The following ITPR2 variants were observed in gnomAD, a reference collection of about 807,000 sequenced individuals.
The protein encoded by ITPR2 is inositol 1,4,5-trisphosphate receptor type 2, also known as inositol 1,4,5-trisphosphate-gated calcium channel ITPR2.
In ITPR2, 207 loss-of-function variants were observed where a neutral mutation model predicts 317.1. The ratio of observed to expected loss-of-function variants is 0.65; its 90% confidence interval spans 0.58 to 0.73. The LOEUF (loss-of-function observed/expected upper bound fraction) is 0.73, where lower values mean the gene tolerates loss of function less well. Among genes scored for constraint, ITPR2 ranks in the 30% least tolerant of loss-of-function variants. ITPR2 has a pLI of 0.00. For synonymous variants in ITPR2, 1,156 were observed against 1,149.1 expected, an observed-to-expected ratio of 1.01 and a Z score of -0.12; for missense variants, 2,613 against 3,284.0, an observed-to-expected ratio of 0.80 and a Z score of 4.99.
At chr12:26,394,606 A>G (rs1939939939) in intron 54 of ITPR2, among the ~76,000 whole-genome samples, 2 of 152,194 alleles carry the variant, frequency 1.3e-5, no homozygotes, top group African/African-American at 4.8e-5. Context: ...CAAAAAAAGA[A>G]GGGGCCAGAT....
chr12:26,363,850 A>G (rs1938921280), intron 55 of ITPR2, among the ~76,000 whole-genome samples: 3 of 152,240 alleles, frequency 2.0e-5, no homozygotes, highest in Non-Finnish European at 2.9e-5. Context: ...ATCTCGACTC[A>G]TGATAAAGGA....
At chr12:26,638,387 C>CA (rs1946908700) in intron 21 of ITPR2, among the ~76,000 whole-genome samples, 1 of 152,222 alleles carries the variant, frequency 6.6e-6, no homozygotes, top group East Asian at 1.9e-4. Flanking sequence ...AGGCATATAC[C>CA]ATACGAACCA....
chr12:26,685,346 G>T (rs1267305830), intron 11 of ITPR2, among the ~76,000 whole-genome samples: 1 of 152,122 alleles, frequency 6.6e-6, no homozygotes, highest in Non-Finnish European at 1.5e-5. Flanking sequence ...CTGTAATCTC[G>T]GCATTTTGAG....
chr12:26,439,029 T>G, intron 47 of ITPR2, 98 bp downstream of exon 47: 1 of 771,760 alleles, frequency 1.3e-6, no homozygotes, highest in Non-Finnish European at 2.1e-6. Flanking sequence ...CAGCAAGAAA[T>G]TAAAAAAACA....
At chr12:26,385,340 G>A (rs74705416) in intron 55 of ITPR2, among the ~76,000 whole-genome samples, 1,840 of 152,160 alleles carry the variant, frequency 0.012, 29 homozygotes, top group African/African-American at 0.042. Context: ...ATGACCCACC[G>A]CCTTTCTCCC....
At chr12:26,706,326 TCTGTACTTTAAAGATAAAACC>T (rs1724193853) in intron 9 of ITPR2, among the ~76,000 whole-genome samples, 1 of 152,226 alleles carries the variant, frequency 6.6e-6, no homozygotes, top group South Asian at 2.1e-4. Flanking sequence ...ATTATACTCC[TCTGTACTTTAAAGATAAAACC>T]CATTCTCCTT....
chr12:26,561,387 T>C (rs914608001), intron 35 of ITPR2, among the ~76,000 whole-genome samples: 5 of 152,206 alleles, frequency 3.3e-5, no homozygotes, highest in African/African-American at 9.7e-5. Context: ...ACAAGTAATT[T>C]GGGAGCAAGG....
At chr12:26,673,065 C>G (rs978025492) in intron 13 of ITPR2, among the ~76,000 whole-genome samples, 2 of 152,134 alleles carry the variant, frequency 1.3e-5, no homozygotes, top group African/African-American at 4.8e-5. Flanking sequence ...GCTTACCAAC[C>G]AAAAAGAGTC....
At position 26,716,110 on chromosome 12, in the gene ITPR2, T is replaced by C. The variant is rs758847446; in HGVS notation, c.624+34A>G. 3.0e-5 allele frequency: 41 copies of C among 1,352,880 alleles called. No homozygotes were observed. The Middle Eastern group carries it at 1.1e-3, about 36-fold the overall frequency. The allele number at this position is 1,352,880 out of a possible 1,614,324, so 83.8% of individuals were successfully genotyped here. A position where few individuals can be genotyped will look rare whatever the true frequency, so the allele number is the denominator to read the frequency against. Reference sequence around the variant, plus strand: ...TTCTCCCTCTGTCTCATGAGAAAAATGAACACATTCATTCCTTTTCCACTT... The same window carrying C: ...TTCTCCCTCTGTCTCATGAGAAAAACGAACACATTCATTCCTTTTCCACTT... On this transcript the variant is annotated intron_variant, in intron 6 of 56. Coordinates refer to ENST00000381340, the MANE Select transcript of ITPR2 (RefSeq NM_002223.4).
At position 26,806,243 on chromosome 12, in the gene ITPR2, T is replaced by C. The variant is rs561996603; in HGVS notation, c.93-16016A>G. Among the ~76,000 whole-genome samples, 125 of 152,256 alleles carry C rather than the reference T, an allele frequency of 8.2e-4. 1 individual carries two copies. The highest frequency in any genetic ancestry group is 1.7e-3 in the South Asian group (8 of 4,812). The stretch of plus-strand genomic sequence containing the variant: ...CCATAAATATAGTGCAGTTAAGTAC[T>C]TCAGAGCCCGAAAACTAGACCCTGC... On this transcript the variant is annotated intron_variant, in intron 1 of 56. Transcript: ENST00000381340.
intron 37 of ITPR2, among the ~76,000 whole-genome samples, chr12:26,531,374 A>T (rs1943938006): frequency 6.6e-6 from 1 of 152,236 alleles, no homozygotes; most frequent in South Asian, 2.1e-4. Flanking sequence ...CATTTATCAC[A>T]TACACTGGTC....
chr12:26,450,452 G>C (rs1173912851), intron 45 of ITPR2, among the ~76,000 whole-genome samples: 1 of 143,142 alleles, frequency 7.0e-6, no homozygotes. Context: ...TCCTTCATAA[G>C]AACACAGACC....
chr12:26,432,185 CCTT>C (rs1231091077), intron 48 of ITPR2, among the ~76,000 whole-genome samples: 2 of 152,228 alleles, frequency 1.3e-5, no homozygotes, highest in East Asian at 1.9e-4. Context: ...CAATTTATGT[CCTT>C]CTTCTGAACC....
At chr12:26,761,052 G>A (rs1194022646) in intron 2 of ITPR2, among the ~76,000 whole-genome samples, 1 of 152,144 alleles carries the variant, frequency 6.6e-6, no homozygotes, top group Non-Finnish European at 1.5e-5. Flanking sequence ...GCCAAGTTCT[G>A]TAGAGCCAGG....
chr12:26,698,915 G>C (rs1452850211), intron 9 of ITPR2, among the ~76,000 whole-genome samples: 1 of 151,782 alleles, frequency 6.6e-6, no homozygotes, highest in Admixed American at 6.6e-5. Context: ...ACGGTGTCCA[G>C]AAGAAATTTA....
intron 40 of ITPR2, 150 bp downstream of exon 40, chr12:26,486,918 C>T: frequency 1.2e-6 from 1 of 816,562 alleles, no homozygotes; most frequent in South Asian, 1.4e-5. Flanking sequence ...TTTAGGGTCA[C>T]CCCATGACCA....
intron 13 of ITPR2, among the ~76,000 whole-genome samples, chr12:26,672,160 G>T (rs1430762739): frequency 6.6e-6 from 1 of 152,190 alleles, no homozygotes; most frequent in Admixed American, 6.5e-5. Context: ...AAGTTAACAA[G>T]GATACCCAGG....
At position 26,747,979 on chromosome 12, in the gene ITPR2, C is replaced by A. The variant is rs527702553; in HGVS notation, c.164-22214G>T. ...TCCGAATAATTCAGTCTATCAACTT[C>A]CACCAATGCAAGTCCCTTCTAACTT... On this transcript the variant is annotated intron_variant, in intron 2 of 56. Transcript: ENST00000381340. Among the ~76,000 whole-genome samples the A allele has an allele frequency of 8.5e-5, 13 of 152,314 alleles. No homozygotes were observed. The South Asian group carries it at 2.7e-3, about 32-fold the overall frequency.
chr12:26,505,287 G>A (rs989600624), intron 37 of ITPR2, among the ~76,000 whole-genome samples: 3 of 152,146 alleles, frequency 2.0e-5, no homozygotes, highest in African/African-American at 7.2e-5. Flanking sequence ...TACTTTAGGG[G>A]ATGATACACA....
Sources: allele counts gnomAD v4.1 joint callset (sites outside exome capture counted in the v4.1 genomes callset), GRCh38; gene constraint gnomAD v4.1.1; transcripts MANE v1.5; gene names NCBI Gene and HGNC (gene_info 2026-07-23, HGNC 2026-07-21).